ST6GALNAC3: variants seen among roughly 807,000 people sequenced by gnomAD.
ST6GALNAC3 encodes ST6 N-acetylgalactosaminide alpha-2,6-sialyltransferase 3.
Under a neutral mutation model 32.7 loss-of-function variants are expected in ST6GALNAC3, and 25 were observed. The observed-to-expected ratio is 0.76, with a 90% CI of 0.56 to 1.07. The LOEUF (loss-of-function observed/expected upper bound fraction) is 1.07. ST6GALNAC3 is among the 50% of genes least tolerant of loss of function. The pLI, the probability that ST6GALNAC3 is intolerant of heterozygous loss-of-function variation, is 0.00. For synonymous variants in ST6GALNAC3, 129 were observed against 133.1 expected (o/e 0.97, Z 0.21); for missense variants, 355 against 382.4 (o/e 0.93, Z 0.60).
chr1:76,133,645 G>T (rs756847753), intron 1 of ST6GALNAC3, among the ~76,000 whole-genome samples: 6 of 152,208 alleles, frequency 3.9e-5, no homozygotes, highest in African/African-American at 1.4e-4. Flanking sequence ...TGGTGAGACC[G>T]CAGTAAGTAT....
At chr1:76,432,940 G>A (rs989693757) in intron 3 of ST6GALNAC3, among the ~76,000 whole-genome samples, 1 of 152,160 alleles carries the variant, frequency 6.6e-6, no homozygotes, top group African/African-American at 2.4e-5. Context: ...AGGATGAAAT[G>A]TGGGGGCATC....
chr1:76,613,721 T>G (rs1177336221), intron 3 of ST6GALNAC3, among the ~76,000 whole-genome samples: 1 of 152,240 alleles, frequency 6.6e-6, no homozygotes, highest in Non-Finnish European at 1.5e-5. Context: ...TTCTTCCTGC[T>G]CTGGCCACGT....
At chr1:76,586,990 A>G (rs1570373010) in intron 3 of ST6GALNAC3, among the ~76,000 whole-genome samples, 1 of 152,212 alleles carries the variant, frequency 6.6e-6, no homozygotes, top group African/African-American at 2.4e-5. Context: ...CTACTGATCC[A>G]TAACCTTTAA....
rs76354920 is a variant in ST6GALNAC3 at position 76,280,520 on chromosome 1, T to C, written c.19-33285T>C. ...TACCTATTTCAGCTGGGGTGAGCAC[T>C]GTGACCTTCTGTTACACATACCTAT... On this transcript the variant is annotated intron_variant, in intron 1 of 4. Coordinates refer to ENST00000328299, the MANE Select transcript of ST6GALNAC3 (RefSeq NM_152996.4). 1.5e-3 allele frequency among the ~76,000 whole-genome samples: 236 copies of C among 152,360 alleles called. 2 individuals are homozygous for C. The highest frequency in any genetic ancestry group is 5.4e-3 in the African/African-American group (225 of 41,590).
intron 3 of ST6GALNAC3, among the ~76,000 whole-genome samples, chr1:76,589,004 G>A (rs969752713): frequency 2.0e-5 from 3 of 152,130 alleles, no homozygotes; most frequent in African/African-American, 7.2e-5. Context: ...AAAGCACTTA[G>A]AGTAGTTTTT....
At chr1:76,132,650 C>T (rs1309642265) in intron 1 of ST6GALNAC3, among the ~76,000 whole-genome samples, 1 of 152,130 alleles carries the variant, frequency 6.6e-6, no homozygotes, top group African/African-American at 2.4e-5. Context: ...CTCTACTGCT[C>T]AGGTCTCATC....
chr1:76,496,404 G>T (rs1202511207), intron 3 of ST6GALNAC3, among the ~76,000 whole-genome samples: 1 of 152,166 alleles, frequency 6.6e-6, no homozygotes, highest in Non-Finnish European at 1.5e-5. Context: ...TCAGATGCGA[G>T]GGATGGATTC....
intron 3 of ST6GALNAC3, among the ~76,000 whole-genome samples, chr1:76,460,554 T>C (rs769648864): frequency 6.6e-6 from 1 of 152,186 alleles, no homozygotes; most frequent in Non-Finnish European, 1.5e-5. Flanking sequence ...GGATAATAGG[T>C]GAGACACCGC....
intron 3 of ST6GALNAC3, among the ~76,000 whole-genome samples, chr1:76,502,736 C>T (rs1456110916): frequency 6.6e-6 from 1 of 152,084 alleles, no homozygotes; most frequent in Non-Finnish European, 1.5e-5. Context: ...TTTAAAAGGG[C>T]ACAATTCAAC....
At chr1:76,142,882 T>C (rs773228862) in intron 1 of ST6GALNAC3, 21 of 455,432 alleles carry the variant, frequency 4.6e-5, no homozygotes, top group African/African-American at 2.0e-4. Context: ...GTGAGCCACA[T>C]TGGGTCAATT....
chr1:76,182,804 A>G (rs569463776), intron 1 of ST6GALNAC3, among the ~76,000 whole-genome samples: 1 of 151,938 alleles, frequency 6.6e-6, no homozygotes, highest in East Asian at 1.9e-4. Context: ...CGTAACATAG[A>G]TTTTCATTTT....
intron 1 of ST6GALNAC3, among the ~76,000 whole-genome samples, chr1:76,287,820 G>A (rs187275724): frequency 2.0e-5 from 3 of 152,288 alleles, no homozygotes; most frequent in East Asian, 1.9e-4. Context: ...GCAAACAATA[G>A]TACAGTTAGC....
At chr1:76,447,661 T>C (rs1437947433) in intron 3 of ST6GALNAC3, among the ~76,000 whole-genome samples, 1 of 152,138 alleles carries the variant, frequency 6.6e-6, no homozygotes, top group Non-Finnish European at 1.5e-5. Flanking sequence ...CATGGTACCC[T>C]GTGTTCCAGC....
chr1:76,476,626 GGACCA>G (rs1553123933), intron 3 of ST6GALNAC3, among the ~76,000 whole-genome samples: 1 of 152,038 alleles, frequency 6.6e-6, no homozygotes, highest in Non-Finnish European at 1.5e-5. Flanking sequence ...TGAGGACTGG[GGACCA>G]TTCAGCACAT....
intron 3 of ST6GALNAC3, among the ~76,000 whole-genome samples, chr1:76,578,467 G>A (rs1646844459): frequency 6.6e-6 from 1 of 152,008 alleles, no homozygotes; most frequent in South Asian, 2.1e-4. Flanking sequence ...GTATTAAGAT[G>A]GATTCTTTGA....
At chr1:76,529,319 T>C (rs1663108844) in intron 3 of ST6GALNAC3, among the ~76,000 whole-genome samples, 1 of 152,086 alleles carries the variant, frequency 6.6e-6, no homozygotes, top group Non-Finnish European at 1.5e-5. Context: ...TACCAGATGG[T>C]AGGGAGATCA....
chr1:76,481,350 C>T (rs1659709397), intron 3 of ST6GALNAC3, among the ~76,000 whole-genome samples: 1 of 152,154 alleles, frequency 6.6e-6, no homozygotes, highest in African/African-American at 2.4e-5. Context: ...CAAACTCTAA[C>T]TTGAACCCCA....
At chr1:76,128,896 AT>A (rs1649426844) in intron 1 of ST6GALNAC3, among the ~76,000 whole-genome samples, 1 of 152,186 alleles carries the variant, frequency 6.6e-6, no homozygotes, top group South Asian at 2.1e-4. Context: ...TTGAAGGTAG[AT>A]TGCTTTTCCT....
chr1:76,530,256 A>G (rs1162979780), intron 3 of ST6GALNAC3, among the ~76,000 whole-genome samples: 1 of 152,202 alleles, frequency 6.6e-6, no homozygotes, highest in Non-Finnish European at 1.5e-5. Flanking sequence ...TCCCAGGTAC[A>G]GGGGCGGACA....
Sources: gnomAD v4.1 joint callset for allele counts (sites outside exome capture counted in the v4.1 genomes callset) on GRCh38, gnomAD v4.1.1 for gene constraint, MANE v1.5 for transcripts, NCBI Gene and HGNC (gene_info 2026-07-23, HGNC 2026-07-21) for gene names.